The following DYNC2H1 variants were observed in gnomAD, a reference collection of about 807,000 sequenced individuals.
DYNC2H1 encodes the protein dynein cytoplasmic 2 heavy chain 1.
Under a neutral mutation model 570.0 loss-of-function variants are expected in DYNC2H1, and 410 were observed. That is an observed-to-expected ratio of 0.72 (90% CI 0.66 to 0.78). The LOEUF is 0.78. DYNC2H1 is among the 30% of genes least tolerant of loss of function. DYNC2H1 has a pLI of 0.00. For synonymous variants in DYNC2H1, 1,688 were observed against 1,677.6 expected (o/e 1.01, Z -0.15); for missense variants, 4,865 against 5,046.4 (o/e 0.96, Z 1.09).
chr11:103,479,259 A>G lies in DYNC2H1; in HGVS notation c.*6A>G, dbSNP rs758780438. ...TATTCCTAAAAAATCAGTAGAATCT[A>G]ATGACAACAAAAGCCATCTTCACAA... On this transcript the variant is annotated 3_prime_UTR_variant, in exon 89 of 89. Coordinates refer to ENST00000375735, the MANE Select transcript of DYNC2H1 (RefSeq NM_001377.3). 1.2e-6 allele frequency: 2 copies of G among 1,607,290 alleles called. No individual in the cohort carries two copies. Among genetic ancestry groups the G allele is most frequent in the Admixed American group, 1.7e-5 (1 of 59,324 alleles).
rs114041463 is a variant in DYNC2H1, at chr11:103,472,579, A to G, written c.12765+3874A>G. On this transcript the variant is annotated intron_variant, in intron 88 of 88. Transcript: ENST00000375735. The surrounding 1 kb of genome is among the most constrained non-coding windows in gnomAD (Gnocchi z 4.1). ...CTGATGAAAGGACTGAGAATCAGGT[A>G]AGTTAAATGACTTATGAGTTCCACA... is the stretch of plus-strand genomic sequence containing the variant. Among the ~76,000 whole-genome samples, 17 of 152,224 alleles carry G rather than the reference A, an allele frequency of 1.1e-4. No homozygotes were observed. Among genetic ancestry groups the G allele is most frequent in the African/African-American group, 4.1e-4 (17 of 41,520 alleles).
Position 103,456,254 on chromosome 11 carries a change from T to C in DYNC2H1, c.12567-21T>C, listed in dbSNP as rs1196130617. On this transcript the variant is annotated intron_variant, in intron 86 of 88. Transcript: ENST00000375735. ...TTCCTAAGGATTATTGATTTGTGAC[T>C]TTGATGCTTTACCTTTACAGGGCAG... is the stretch of plus-strand genomic sequence containing the variant. 1.9e-6 allele frequency: 3 copies of C among 1,581,874 alleles called. No individual in the cohort carries two copies. The East Asian group carries it at 6.8e-5, about 36-fold the overall frequency.
rs747581270 is a variant in DYNC2H1 at position 103,289,665 on chromosome 11, G to T, written c.11095+2060G>T. On this transcript the variant is annotated intron_variant, in intron 75 of 88. Coordinates refer to ENST00000375735, the MANE Select transcript of DYNC2H1 (RefSeq NM_001377.3). The surrounding 1 kb of genome is among the most constrained non-coding windows in gnomAD (Gnocchi z 4.2). Reference sequence around the variant, plus strand: ...AGTTCCAGCTACTCAGGAGGCTGAAGTGGGAGGATTTCTTGAACTCAGGAG... The same window carrying T: ...AGTTCCAGCTACTCAGGAGGCTGAATTGGGAGGATTTCTTGAACTCAGGAG... Among the ~76,000 whole-genome samples, 1 of 152,132 alleles carries T rather than the reference G, an allele frequency of 6.6e-6. No individual in the cohort carries two copies. The highest frequency in any genetic ancestry group is 1.5e-5 in the Non-Finnish European group (1 of 68,026).
chr11:103,204,873 A>C lies in DYNC2H1; in HGVS notation c.8363A>C (p.Asn2788Thr). 1 of 1,590,550 alleles carries C rather than the reference A, an allele frequency of 6.3e-7. No homozygotes were observed. The highest frequency in any genetic ancestry group is 8.6e-7 in the Non-Finnish European group (1 of 1,167,246). Residue 2788 changes from asparagine to threonine, a missense_variant, in exon 52 of 89, where the codon AAC (asparagine) becomes ACC (threonine). Asn to Thr is a moderately conservative substitution (Grantham distance 65). Coordinates refer to ENST00000375735, the MANE Select transcript of DYNC2H1 (RefSeq NM_001377.3). The surrounding 1 kb of genome is among the most constrained non-coding windows in gnomAD (Gnocchi z 4.1). ...IVLIMDSANS[N>T]FMINCESNPA... The stretch of plus-strand genomic sequence containing the variant: ...TTGATAATGGATTCTGCAAATTCAA[A>C]CTTCATGATAAACTGTGAGAGTAAT...
chr11:103,357,195 A>T (rs946048779), intron 82 of DYNC2H1, among the ~76,000 whole-genome samples: 1 of 152,136 alleles, frequency 6.6e-6, no homozygotes, highest in Non-Finnish European at 1.5e-5. Context: ...AATAAGATTC[A>T]TTAATGTTCT....
At chr11:103,340,256 G>A (rs145233142) in intron 82 of DYNC2H1, among the ~76,000 whole-genome samples, 71 of 152,172 alleles carry the variant, frequency 4.7e-4, no homozygotes, top group Non-Finnish European at 7.8e-4. Context: ...CTTTGCCCTT[G>A]TCTAAAGTCA....
intron 4 of DYNC2H1, among the ~76,000 whole-genome samples, chr11:103,115,987 G>A (rs1479094635): frequency 6.6e-6 from 1 of 152,028 alleles, no homozygotes; most frequent in Non-Finnish European, 1.5e-5. Context: ...ATTCCTTTAT[G>A]TGTCTACATT....
chr11:103,384,746 CTTG>C (rs909397876), intron 83 of DYNC2H1, among the ~76,000 whole-genome samples: 8 of 152,054 alleles, frequency 5.3e-5, no homozygotes, highest in African/African-American at 1.9e-4. Context: ...GTCTGTCTTT[CTTG>C]TTGTTGTAGT....
chr11:103,215,754 C>G lies in DYNC2H1; in HGVS notation c.8728C>G (p.Leu2910Val). Residue 2910 changes from leucine (L) to valine (V), a missense_variant, in exon 55 of 89, where the codon CTT (leucine) becomes GTT (valine). Around this residue, in one of 5 missense-constraint regions of DYNC2H1, gnomAD observed 2,401 missense variants for 2,454.6 expected, o/e 0.98. Transcript: ENST00000375735. The part of the protein sequence containing the change: ...GVSKLNEAKA[L>V]VDELNRKAGE... ...ATCTAAACTAAATGAAGCTAAAGCT[C>G]TTGTGGATGAACTGAACAGAAAAGC... 2 of 1,611,018 alleles carry G rather than the reference C, an allele frequency of 1.2e-6. No individual in the cohort carries two copies. The highest frequency in any genetic ancestry group is 1.7e-6 in the Non-Finnish European group (2 of 1,178,492).
Position 103,158,956 on chromosome 11 carries a change from A to T in DYNC2H1, c.4307A>T (p.Asp1436Val), listed in dbSNP as rs1014987027. The stretch of plus-strand genomic sequence containing the variant: ...AGATTTTATTTTATTGGTGATGATG[A>T]CTTATTAGAAATATTGGGCCAGTCT... ...FPRFYFIGDD[D>V]LLEILGQSTN... Residue 1436 changes from aspartate to valine, a missense_variant, in exon 28 of 89, where the codon GAC becomes GTC. Around this residue, in one of 5 missense-constraint regions of DYNC2H1, gnomAD observed 1,936 missense variants for 1,962.1 expected, o/e 0.99. Transcript: ENST00000375735. 2 of 1,613,152 alleles carry T rather than the reference A, an allele frequency of 1.2e-6. No homozygotes were observed. The highest frequency in any genetic ancestry group is 2.7e-5 in the African/African-American group (2 of 74,904).
intron 55 of DYNC2H1, among the ~76,000 whole-genome samples, chr11:103,216,109 G>A (rs566642446): frequency 5.3e-5 from 8 of 152,094 alleles, no homozygotes; most frequent in South Asian, 2.1e-4. Context: ...TTTTAAATTG[G>A]CATGGATCTG....
chr11:103,254,306 G>A lies in DYNC2H1; in HGVS notation c.10206+858G>A, dbSNP rs570730953. ...TGCTGTGTAAAAGATCTCCACAGTA[G>A]TTGCAAAAAAGGAGCTATGTAGGTC... On this transcript the variant is annotated intron_variant, in intron 66 of 88. Transcript: ENST00000375735. This position sits in a 1 kb window ranked among gnomAD's most constrained non-coding sequence, Gnocchi z 4.9. Among the ~76,000 whole-genome samples, 24 of 152,222 alleles carry A rather than the reference G, an allele frequency of 1.6e-4. No individual in the cohort carries two copies. Among genetic ancestry groups the A allele is most frequent in the African/African-American group, 5.5e-4 (23 of 41,562 alleles).
In DYNC2H1 at chr11:103,187,356, G is replaced by A. The variant is rs747348765; in HGVS notation, c.6910G>A (p.Ala2304Thr). 34 of 1,612,694 alleles carry A rather than the reference G, an allele frequency of 2.1e-5. No individual in the cohort carries two copies. Among genetic ancestry groups the A allele is most frequent in the African/African-American group, 1.3e-5 (1 of 74,832 alleles). ...GCGKGMLLRY[A>T]FSQLRSTQIA... ...TTTTCGTAGGATGCTGCTCAGGTAC[G>A]CATTTTCACAACTCCGGTCCACTCA... is the stretch of plus-strand genomic sequence containing the variant. The change falls in exon 43 of 89, where the codon GCA (alanine) becomes ACA (threonine). Residue 2304 changes from alanine (A) to threonine (T), a missense_variant. Ala to Thr is a moderately conservative substitution (Grantham distance 58, BLOSUM62 0). Transcript: ENST00000375735.
At chr11:103,196,351 A>G (rs1862506208) in intron 47 of DYNC2H1, among the ~76,000 whole-genome samples, 1 of 152,104 alleles carries the variant, frequency 6.6e-6, no homozygotes, top group South Asian at 2.1e-4. Context: ...GGAAATCTAC[A>G]TGGAGTTGAT....
Position 103,187,382 on chromosome 11 carries a change from A to G in DYNC2H1, c.6936A>G (p.Gln2312=), listed in dbSNP as rs568202877. The change falls in exon 43 of 89, where the codon CAA becomes CAG. Residue 2312 remains glutamine (Q), a synonymous_variant. Coordinates refer to ENST00000375735, the MANE Select transcript of DYNC2H1 (RefSeq NM_001377.3). Reference sequence around the variant, plus strand: ...CATTTTCACAACTCCGGTCCACTCAAATTGCTACAGTTCACTGTAGTGCAC... The same window carrying G: ...CATTTTCACAACTCCGGTCCACTCAGATTGCTACAGTTCACTGTAGTGCAC... ...RYAFSQLRST[Q]IATVHCSAQT... 3.7e-6 allele frequency: 6 copies of G among 1,613,012 alleles called. No homozygotes were observed. The African/African-American group carries it at 5.3e-5, about 14-fold the overall frequency.
In DYNC2H1 at chr11:103,286,393, T is replaced by A. The variant is rs190701725; in HGVS notation, c.11022+7T>A. 1.0e-4 allele frequency: 161 copies of A among 1,608,876 alleles called. No homozygotes were observed. In the African/African-American group the frequency reaches 2.0e-3, roughly 20 times the overall value. ...AGTTTCCTTATTTCAGCAGGTAAAA[T>A]TTAGTGTTATCTAAATGCAAAAAAG... On this transcript the variant is annotated splice_region_variant and intron_variant, in intron 74 of 88. Transcript: ENST00000375735.
chr11:103,304,503 T>A, intron 76 of DYNC2H1, 92 bp from the exon 77 acceptor site: 1 of 1,369,694 alleles, frequency 7.3e-7, no homozygotes, highest in African/African-American at 1.5e-5. Flanking sequence ...TTAGGAAGGT[T>A]TAGGGATTAC....
In DYNC2H1 at chr11:103,245,281, G is replaced by A; in HGVS notation, c.9949G>A (p.Ala3317Thr). 1.3e-6 allele frequency: 2 copies of A among 1,549,034 alleles called. No homozygotes were observed. Among genetic ancestry groups the A allele is most frequent in the Non-Finnish European group, 1.7e-6 (2 of 1,144,860 alleles). Residue 3317 changes from alanine to threonine, a missense_variant, in exon 65 of 89, where the codon GCA becomes ACA. This residue lies in a region of DYNC2H1 where 2,401 missense variants were observed against 2,454.6 expected (regional missense o/e 0.98). Coordinates refer to ENST00000375735, the MANE Select transcript of DYNC2H1 (RefSeq NM_001377.3). The surrounding 1 kb of genome is among the most constrained non-coding windows in gnomAD (Gnocchi z 4.5). ...TAACTTTATCACAGCTCTTGAATTA[G>A]CAGTACGTTTTGGGAAAACCCTTAT... ...DSNFITALEL[A>T]VRFGKTLIIQ...
chr11:103,374,726 G>T (rs2135563101), intron 83 of DYNC2H1, among the ~76,000 whole-genome samples: 1 of 152,156 alleles, frequency 6.6e-6, no homozygotes, highest in South Asian at 2.1e-4. Context: ...GAGAACTGTG[G>T]AACTTTGAAC....
Sources: allele counts gnomAD v4.1 joint callset (sites outside exome capture counted in the v4.1 genomes callset), GRCh38; gene constraint gnomAD v4.1.1; regional missense constraint gnomAD v4.1.1; non-coding constraint Gnocchi (gnomAD v3.1); transcripts MANE v1.5; gene names NCBI Gene and HGNC (gene_info 2026-07-23, HGNC 2026-07-21).